Variants in SORCS2 observed in about 807,000 individuals in gnomAD.
SORCS2 encodes sortilin related VPS10 domain containing receptor 2.
Under a neutral mutation model 141.6 loss-of-function variants are expected in SORCS2, and 100 were observed. That is an observed-to-expected ratio of 0.71 (90% CI 0.60 to 0.83). SORCS2 has a LOEUF of 0.83. Ranked by LOEUF, SORCS2 falls within the 40% of genes least tolerant of loss-of-function variation. The pLI, the probability that SORCS2 is intolerant of heterozygous loss-of-function variation, is 0.00. For missense variants in SORCS2, 1,646 were observed against 1,560.2 expected (o/e 1.05, Z -0.93); for synonymous variants, 789 against 676.9 (o/e 1.17, Z -2.57).
chr4:7,661,614 C>A (rs1722174782), intron 6 of SORCS2, 50 bp downstream of exon 6: 1 of 1,517,452 alleles, frequency 6.6e-7, no homozygotes, highest in Non-Finnish European at 9.0e-7. Context: ...CACCTCGCAC[C>A]CGACACAGCT....
intron 1 of SORCS2, among the ~76,000 whole-genome samples, chr4:7,258,818 T>C (rs1319179534): frequency 6.6e-6 from 1 of 152,258 alleles, no homozygotes; most frequent in Non-Finnish European, 1.5e-5. Flanking sequence ...ATGGCCATTC[T>C]AACTGGCCTG....
rs151066623 is a variant in SORCS2, at chr4:7,729,052, A to T, written c.2983-535A>T. ...GGTCCTGGGCACTGAAGGTTGAATCAGGGTTTGCCAGATGGAAGTGCATGG... is the reference window on the plus strand; with the variant it reads ...GGTCCTGGGCACTGAAGGTTGAATCTGGGTTTGCCAGATGGAAGTGCATGG... On this transcript the variant is annotated intron_variant, in intron 22 of 26. Coordinates refer to ENST00000507866, the MANE Select transcript of SORCS2 (RefSeq NM_020777.3). 3.5e-4 allele frequency among the ~76,000 whole-genome samples: 53 copies of T among 152,342 alleles called. No homozygotes were observed. In the East Asian group the frequency reaches 0.01, roughly 29 times the overall value.
chr4:7,588,214 T>C (rs1716670810), intron 3 of SORCS2, among the ~76,000 whole-genome samples: 1 of 152,226 alleles, frequency 6.6e-6, no homozygotes, highest in Non-Finnish European at 1.5e-5. Context: ...CCAAACCGCA[T>C]TGAGAGCCCA....
chr4:7,661,633 C>A, intron 6 of SORCS2, 69 bp downstream of exon 6: 1 of 1,416,796 alleles, frequency 7.1e-7, no homozygotes, highest in Non-Finnish European at 9.7e-7. Context: ...CTCGGCTGCA[C>A]GTGTGTTCAG....
At chr4:7,504,373 C>A (rs1042983527) in intron 2 of SORCS2, among the ~76,000 whole-genome samples, 2 of 152,194 alleles carry the variant, frequency 1.3e-5, no homozygotes, top group African/African-American at 4.8e-5. Context: ...CTTTGTAGAG[C>A]CCGAGAGTGG....
chr4:7,641,226 G>T (rs1468198626), intron 4 of SORCS2, among the ~76,000 whole-genome samples: 1 of 152,188 alleles, frequency 6.6e-6, no homozygotes, highest in African/African-American at 2.4e-5. Flanking sequence ...ATTAATTTAT[G>T]AAGAAAGAGG....
At position 7,628,738 on chromosome 4, in the gene SORCS2, C is replaced by T. The variant is rs184656583; in HGVS notation, c.649-9590C>T. Among the ~76,000 whole-genome samples the T allele has an allele frequency of 2.5e-3, 373 of 152,040 alleles. 2 individuals are homozygous for T. Among genetic ancestry groups the T allele is most frequent in the African/African-American group, 8.3e-3 (343 of 41,472 alleles). ...GAGGGGGTGGGGAGCTGGGGCTTCC[C>T]GCGGTGGGAGCTGCACTTTGGGGTG... On this transcript the variant is annotated intron_variant, in intron 3 of 26. Coordinates refer to ENST00000507866, the MANE Select transcript of SORCS2 (RefSeq NM_020777.3).
intron 3 of SORCS2, among the ~76,000 whole-genome samples, chr4:7,609,669 G>A (rs975295966): frequency 1.3e-5 from 2 of 152,264 alleles, no homozygotes; most frequent in Admixed American, 1.3e-4. Context: ...CCCAGGGCCA[G>A]TGTGACGGGG....
At chr4:7,280,386 G>C (rs942459473) in intron 1 of SORCS2, among the ~76,000 whole-genome samples, 5 of 152,244 alleles carry the variant, frequency 3.3e-5, no homozygotes, top group Admixed American at 2.0e-4. Context: ...GAAAATGCCA[G>C]GGTTTTGAAA....
rs1309621817 is a variant in SORCS2 at position 7,621,465 on chromosome 4, A to ATGTGTG, written c.649-16859_649-16854dup. Reference sequence around the variant, plus strand: ...TATGTGTGTGTCTGTGTGAGTGTTTATGTGTGTGTCTGTGTGTGTTTATAT... The same window carrying ATGTGTG: ...TATGTGTGTGTCTGTGTGAGTGTTTATGTGTGTGTGTGTGTCTGTGTGTGTTTATAT... On this transcript the variant is annotated intron_variant, in intron 3 of 26. Transcript: ENST00000507866. 7.3e-3 allele frequency among the ~76,000 whole-genome samples: 967 copies of ATGTGTG among 132,142 alleles called. 10 individuals are homozygous for ATGTGTG. The highest frequency in any genetic ancestry group is 0.03 in the African/African-American group (906 of 29,800). 86.7% of individuals were successfully genotyped at this position (132,142 alleles called of 152,430 possible). A position where few individuals can be genotyped will look rare whatever the true frequency, so the allele number is the denominator to read the frequency against.
At chr4:7,295,391 C>T (rs763695082) in intron 1 of SORCS2, among the ~76,000 whole-genome samples, 38 of 151,898 alleles carry the variant, frequency 2.5e-4, no homozygotes, top group Non-Finnish European at 4.3e-4. Flanking sequence ...GCCGGCCGGC[C>T]GGGTGCGTTG....
intron 1 of SORCS2, among the ~76,000 whole-genome samples, chr4:7,375,946 T>C (rs770317618): frequency 3.3e-5 from 5 of 152,218 alleles, no homozygotes; most frequent in African/African-American, 1.2e-4. Flanking sequence ...AGGATAGTAA[T>C]ACCTAATCAG....
Position 7,728,330 on chromosome 4 carries a change from C to A in SORCS2, c.2870-20C>A. ...AGGCTGTCCAGAACTGACCAGTCTC[C>A]CTTCTCTGCGTCTTTCCAGATCAAT... On this transcript the variant is annotated intron_variant, in intron 21 of 26. Transcript: ENST00000507866. 5 of 1,591,082 alleles carry A rather than the reference C, an allele frequency of 3.1e-6. No homozygotes were observed. The highest frequency in any genetic ancestry group is 3.4e-6 in the Non-Finnish European group (4 of 1,161,554).
chr4:7,287,454 C>T (rs2108870725), intron 1 of SORCS2, among the ~76,000 whole-genome samples: 1 of 152,308 alleles, frequency 6.6e-6, no homozygotes, highest in East Asian at 1.9e-4. Context: ...GGCACATCGC[C>T]CTTGCCACGG....
intron 1 of SORCS2, among the ~76,000 whole-genome samples, chr4:7,263,958 A>C: frequency 6.6e-6 from 1 of 151,760 alleles, no homozygotes; most frequent in Middle Eastern, 3.2e-3. Context: ...TCACTCATTC[A>C]CTCACTGACT....
intron 1 of SORCS2, among the ~76,000 whole-genome samples, chr4:7,386,447 ACACATGTGCACG>A (rs1723326057): frequency 1.1e-5 from 1 of 89,806 alleles, no homozygotes; most frequent in Non-Finnish European, 2.3e-5. Context: ...ACACAGAGAT[ACACATGTGCACG>A]CACACACATG....
chr4:7,518,859 G>A (rs1053215823), intron 2 of SORCS2, among the ~76,000 whole-genome samples: 9 of 151,638 alleles, frequency 5.9e-5, no homozygotes, highest in Admixed American at 2.6e-4. Flanking sequence ...CAGAAGTCGC[G>A]GGCTGTGTCC....
At chr4:7,344,841 G>GCAGA (rs2108995501) in intron 1 of SORCS2, among the ~76,000 whole-genome samples, 1 of 152,314 alleles carries the variant, frequency 6.6e-6, no homozygotes, top group East Asian at 1.9e-4. Flanking sequence ...CTTGAAAACA[G>GCAGA]CAGACTACAC....
chr4:7,697,976 A>G (rs12499601), intron 12 of SORCS2, among the ~76,000 whole-genome samples: 16,731 of 152,180 alleles, frequency 0.11, 1,193 homozygotes, highest in Middle Eastern at 0.21. Context: ...ACCAGAGGCA[A>G]TGGTGCTGAT....
Sources: allele counts gnomAD v4.1 joint callset (sites outside exome capture counted in the v4.1 genomes callset), GRCh38; gene constraint gnomAD v4.1.1; transcripts MANE v1.5; gene names NCBI Gene and HGNC (gene_info 2026-07-23, HGNC 2026-07-21).